Variants in NPAS3 observed in about 807,000 individuals in gnomAD.
NPAS3 encodes the protein neuronal PAS domain-containing protein 3.
In NPAS3, 14 loss-of-function variants were observed where a neutral mutation model predicts 73.1. That is an observed-to-expected ratio of 0.19 (90% confidence interval 0.13 to 0.30). NPAS3 has a LOEUF of 0.30. NPAS3 is among the 10% of genes least tolerant of loss of function. The pLI is 1.00. For synonymous variants in NPAS3, 620 were observed against 541.5 expected, an observed-to-expected ratio of 1.14 and a Z score of -2.01; for missense variants, 1,096 against 1,250.0, an observed-to-expected ratio of 0.88 and a Z score of 1.86.
chr14:33,333,246 C>A, intron 3 of NPAS3, among the ~76,000 whole-genome samples: 1 of 152,082 alleles, frequency 6.6e-6, no homozygotes, highest in East Asian at 1.9e-4. Flanking sequence ...GTTCTGAGTG[C>A]CTTGAAATAA....
rs146442932 is a variant in NPAS3 at position 32,989,715 on chromosome 14, A to G, written c.50+50349A>G. Among the ~76,000 whole-genome samples the G allele has an allele frequency of 2.6e-5, 4 of 152,300 alleles. No individual in the cohort carries two copies. In the East Asian group the frequency reaches 7.7e-4, roughly 29 times the overall value. ...CTTGTATTCTATGCAATGAATTTTG[A>G]CCATTATTTTCTACTTCCTATCACA... On this transcript the variant is annotated intron_variant, in intron 1 of 11. Transcript: ENST00000356141.
chr14:33,657,433 A>G (rs1166258268), intron 5 of NPAS3, among the ~76,000 whole-genome samples: 1 of 152,240 alleles, frequency 6.6e-6, no homozygotes, highest in Non-Finnish European at 1.5e-5. Flanking sequence ...TGAATTCTAG[A>G]AAAGACTTTA....
intron 4 of NPAS3, among the ~76,000 whole-genome samples, chr14:33,423,561 G>GTA (rs1221467385): frequency 6.6e-6 from 1 of 151,882 alleles, no homozygotes; most frequent in South Asian, 2.1e-4. Context: ...AAACATGTAT[G>GTA]TATATATATC....
chr14:33,685,909 T>C (rs1402980415), intron 6 of NPAS3, among the ~76,000 whole-genome samples: 1 of 152,142 alleles, frequency 6.6e-6, no homozygotes, highest in African/African-American at 2.4e-5. Flanking sequence ...GCCATGTTTT[T>C]ATTGTAAGCA....
chr14:33,702,315 T>C (rs1181461970), intron 6 of NPAS3, among the ~76,000 whole-genome samples: 2 of 152,216 alleles, frequency 1.3e-5, no homozygotes, highest in Non-Finnish European at 2.9e-5. Flanking sequence ...TGGCTTTCTA[T>C]TGCATTTGGA....
At chr14:33,294,795 A>G (rs909831871) in intron 3 of NPAS3, among the ~76,000 whole-genome samples, 10 of 152,174 alleles carry the variant, frequency 6.6e-5, no homozygotes, top group African/African-American at 2.4e-4. Context: ...CAGGAATCAC[A>G]AGTGCCCAAA....
At chr14:33,260,833 C>A (rs1355100981) in intron 3 of NPAS3, among the ~76,000 whole-genome samples, 2 of 151,968 alleles carry the variant, frequency 1.3e-5, no homozygotes, top group African/African-American at 2.4e-5. Flanking sequence ...GTCATTTTTT[C>A]TTTCCAGAAA....
intron 2 of NPAS3, among the ~76,000 whole-genome samples, chr14:33,165,406 C>A (rs1033041703): frequency 2.6e-5 from 4 of 151,890 alleles, no homozygotes; most frequent in Non-Finnish European, 5.9e-5. Context: ...CATGGGATTT[C>A]TATGGGGACT....
At chr14:33,028,675 G>A (rs986190629) in intron 1 of NPAS3, among the ~76,000 whole-genome samples, 3 of 152,140 alleles carry the variant, frequency 2.0e-5, no homozygotes, top group African/African-American at 7.2e-5. Context: ...CTGGCCTGGA[G>A]TAGTTGTGTA....
chr14:33,511,097 CT>C (rs1291216086), intron 4 of NPAS3, among the ~76,000 whole-genome samples: 31 of 152,112 alleles, frequency 2.0e-4, no homozygotes, highest in Admixed American at 1.8e-3. Context: ...TGTTATTTTT[CT>C]TCAAGAAGAA....
chr14:33,226,062 A>G (rs1185204075), intron 3 of NPAS3, among the ~76,000 whole-genome samples: 1 of 152,218 alleles, frequency 6.6e-6, no homozygotes, highest in Non-Finnish European at 1.5e-5. Context: ...CTATCCATAG[A>G]TGTATATGCA....
chr14:33,733,334 G>A (rs1467034156), intron 6 of NPAS3, among the ~76,000 whole-genome samples: 1 of 151,450 alleles, frequency 6.6e-6, no homozygotes, highest in African/African-American at 2.4e-5. Context: ...AAAGGATATA[G>A]CATCTTCAAG....
chr14:33,139,107 G>A (rs2043948264), intron 2 of NPAS3, among the ~76,000 whole-genome samples: 1 of 152,146 alleles, frequency 6.6e-6, no homozygotes. Flanking sequence ...TTGGGTGTCT[G>A]TCTAGATGAG....
chr14:33,562,507 A>G (rs936703096), intron 5 of NPAS3, among the ~76,000 whole-genome samples: 1 of 152,200 alleles, frequency 6.6e-6, no homozygotes, highest in African/African-American at 2.4e-5. Context: ...ATTTGGCAGC[A>G]CTATACAACT....
chr14:33,381,893 T>C (rs1378907327), intron 4 of NPAS3, among the ~76,000 whole-genome samples: 1 of 152,200 alleles, frequency 6.6e-6, no homozygotes, highest in Non-Finnish European at 1.5e-5. Flanking sequence ...TGTCTCCTGC[T>C]GAGACTTGCC....
intron 7 of NPAS3, among the ~76,000 whole-genome samples, chr14:33,767,953 C>T (rs560523970): frequency 1.3e-5 from 2 of 152,168 alleles, no homozygotes; most frequent in Non-Finnish European, 2.9e-5. Flanking sequence ...CAGAAATATA[C>T]ATTTGCCCAA....
intron 3 of NPAS3, among the ~76,000 whole-genome samples, chr14:33,236,200 G>A (rs550474003): frequency 6.6e-6 from 1 of 152,064 alleles, no homozygotes; most frequent in East Asian, 1.9e-4. Flanking sequence ...ATTGTTTTTA[G>A]ATGCTTGTGC....
intron 5 of NPAS3, among the ~76,000 whole-genome samples, chr14:33,670,094 C>T (rs924579502): frequency 1.3e-5 from 2 of 152,016 alleles, no homozygotes; most frequent in Admixed American, 6.6e-5. Context: ...CAGGCACTCC[C>T]GGAGTGATAG....
intron 3 of NPAS3, among the ~76,000 whole-genome samples, chr14:33,346,718 C>T (rs570835922): frequency 1.3e-5 from 2 of 152,146 alleles, no homozygotes; most frequent in South Asian, 2.1e-4. Flanking sequence ...GTCCGCAAAG[C>T]CTGTATACCC....
Sources: allele counts gnomAD v4.1 joint callset (sites outside exome capture counted in the v4.1 genomes callset), GRCh38; gene constraint gnomAD v4.1.1; transcripts MANE v1.5; gene names NCBI Gene and HGNC (gene_info 2026-07-23, HGNC 2026-07-21).